IRAK2: variants seen among roughly 807,000 people sequenced by gnomAD.
The protein encoded by IRAK2 is interleukin 1 receptor associated kinase 2.
IRAK2 carries 57 observed loss-of-function variants against 72.0 expected under a neutral mutation model. That is an observed-to-expected ratio of 0.79 (90% confidence interval 0.64 to 0.99). IRAK2 has a LOEUF of 0.99. Among genes scored for constraint, IRAK2 ranks in the 50% least tolerant of loss-of-function variants. The pLI, the probability that IRAK2 is intolerant of heterozygous loss-of-function variation, is 0.00. For synonymous variants in IRAK2, 293 were observed against 312.7 expected, an observed-to-expected ratio of 0.94 and a Z score of 0.67; for missense variants, 790 against 794.4, an observed-to-expected ratio of 0.99 and a Z score of 0.07.
At chr3:10,217,399 A>G in intron 7 of IRAK2, among the ~76,000 whole-genome samples, 1 of 152,382 alleles carries the variant, frequency 6.6e-6, no homozygotes, top group African/African-American at 2.4e-5. Context: ...CAAGAGCAGG[A>G]CAAAGGTATC....
chr3:10,201,300 A>C (rs1697357092), intron 3 of IRAK2, among the ~76,000 whole-genome samples: 1 of 152,242 alleles, frequency 6.6e-6, no homozygotes, highest in African/African-American at 2.4e-5. Flanking sequence ...TGTTTTCACC[A>C]GTGGTCTCCC....
At chr3:10,168,964 G>T (rs1281971878) in intron 1 of IRAK2, among the ~76,000 whole-genome samples, 1 of 152,162 alleles carries the variant, frequency 6.6e-6, no homozygotes, top group Non-Finnish European at 1.5e-5. Flanking sequence ...TTTCAATGTA[G>T]GTTCTTTTCT....
intron 2 of IRAK2, among the ~76,000 whole-genome samples, chr3:10,190,612 C>G (rs1305190094): frequency 1.3e-5 from 2 of 152,046 alleles, no homozygotes; most frequent in Non-Finnish European, 1.5e-5. Context: ...AAGCCAGTCC[C>G]CAGTGTTTCA....
intron 2 of IRAK2, among the ~76,000 whole-genome samples, chr3:10,195,943 G>C (rs780771273): frequency 2.9e-4 from 44 of 152,278 alleles, no homozygotes; most frequent in South Asian, 1.2e-3. Flanking sequence ...CCAGAGAGGG[G>C]AGGCTGGGAA....
At chr3:10,221,100 GT>G (rs1000156346) in intron 8 of IRAK2, among the ~76,000 whole-genome samples, 17 of 146,748 alleles carry the variant, frequency 1.2e-4, no homozygotes, top group Admixed American at 2.7e-4. Context: ...CGCTAAAAAA[GT>G]TTTTTTTTTG....
At chr3:10,166,410 G>T (rs1439917306) in intron 1 of IRAK2, among the ~76,000 whole-genome samples, 1 of 152,196 alleles carries the variant, frequency 6.6e-6, no homozygotes, top group East Asian at 1.9e-4. Context: ...GACTCTGCGG[G>T]GAGGCCGCTT....
rs1217978756 is a variant in IRAK2 at position 10,219,679 on chromosome 3, G to A, written c.904-1G>A. On this transcript the variant is annotated splice_acceptor_variant, in intron 7 of 12. Coordinates refer to ENST00000256458, the MANE Select transcript of IRAK2 (RefSeq NM_001570.4). LOFTEE classifies it high-confidence loss of function. ...TGTCCTCCTGCTTTTCTTTCTCTTA[G>A]GGTGGCTCGGACCCCCTCCCCTGGC... The A allele has an allele frequency of 6.2e-7, 1 of 1,611,720 alleles. No individual in the cohort carries two copies. Among genetic ancestry groups the A allele is most frequent in the Non-Finnish European group, 8.5e-7 (1 of 1,178,120 alleles).
intron 11 of IRAK2, among the ~76,000 whole-genome samples, 176 bp from the exon 12 acceptor site, chr3:10,238,572 G>A (rs1434728492): frequency 2.0e-5 from 3 of 152,146 alleles, no homozygotes; most frequent in African/African-American, 4.8e-5. Context: ...ATGACAGGGC[G>A]GTTGGTGGGC....
At chr3:10,183,645 C>T (rs1482999352) in intron 2 of IRAK2, among the ~76,000 whole-genome samples, 2 of 152,036 alleles carry the variant, frequency 1.3e-5, no homozygotes, top group Admixed American at 6.6e-5. Context: ...GGTGGGAACC[C>T]GGGAGGCGGA....
At chr3:10,213,157 A>G (rs763698187) in intron 4 of IRAK2, 50 bp from the exon 5 acceptor site, 5 of 1,518,758 alleles carry the variant, frequency 3.3e-6, no homozygotes, top group Non-Finnish European at 4.5e-6. Context: ...GAGGTAGCAG[A>G]GAAAACGAGA....
chr3:10,164,947 A>G lies in IRAK2; in HGVS notation c.-8A>G. The G allele has an allele frequency of 6.2e-7, 1 of 1,604,106 alleles. No individual in the cohort carries two copies. Among genetic ancestry groups the G allele is most frequent in the South Asian group, 1.1e-5 (1 of 90,070 alleles). The stretch of plus-strand genomic sequence containing the variant: ...CGTCCCGCGCCGGAGCCGGCCCCGT[A>G]GCGTGCCATGGCCTGCTACATCTAC... On this transcript the variant is annotated 5_prime_UTR_variant, in exon 1 of 13. Coordinates refer to ENST00000256458, the MANE Select transcript of IRAK2 (RefSeq NM_001570.4).
intron 1 of IRAK2, among the ~76,000 whole-genome samples, chr3:10,171,136 C>T (rs1400347020): frequency 6.6e-6 from 1 of 152,196 alleles, no homozygotes; most frequent in East Asian, 1.9e-4. Flanking sequence ...TGGGCTTTGC[C>T]TGAGCCTGTG....
intron 8 of IRAK2, among the ~76,000 whole-genome samples, chr3:10,221,002 A>T (rs941628351): frequency 6.6e-6 from 1 of 152,026 alleles, no homozygotes; most frequent in Non-Finnish European, 1.5e-5. Flanking sequence ...TTAGTGTCTT[A>T]GTCTTCCCGT....
In IRAK2 at chr3:10,222,318, T is replaced by A. The variant is rs545883612; in HGVS notation, c.1014-318T>A. 5.9e-5 allele frequency among the ~76,000 whole-genome samples: 9 copies of A among 152,234 alleles called. No homozygotes were observed. In the East Asian group the frequency reaches 1.4e-3, roughly 23 times the overall value. On this transcript the variant is annotated intron_variant, in intron 8 of 12. Transcript: ENST00000256458. The stretch of plus-strand genomic sequence containing the variant: ...TGGAACAGTTGTGGAAGAGACTGAG[T>A]CTGCACAGCCTGTAGGCGTGGCAAG...
chr3:10,240,558 C>CCCCCCCCCCTTT (rs1274154130), intron 12 of IRAK2, among the ~76,000 whole-genome samples: 1 of 18,066 alleles, frequency 5.5e-5, no homozygotes, highest in Non-Finnish European at 8.2e-5. Context: ...CCCCCCCCGC[C>CCCCCCCCCCTTT]TTTTTTTTTT....
chr3:10,178,866 G>T (rs1696918531), intron 2 of IRAK2, among the ~76,000 whole-genome samples: 2 of 152,114 alleles, frequency 1.3e-5, no homozygotes, highest in South Asian at 4.1e-4. Context: ...GCAATAGTGT[G>T]ATCAAAGCTC....
rs376826690 is a variant in IRAK2, at chr3:10,219,745, C to T, written c.969C>T (p.Val323=). 1.8e-5 allele frequency: 29 copies of T among 1,613,748 alleles called. No homozygotes were observed. In the African/African-American group the frequency reaches 2.8e-4, roughly 16 times the overall value. The change falls in exon 8 of 13, where the codon GTC becomes GTT. Residue 323 remains valine (V), a synonymous_variant. Transcript: ENST00000256458. The part of the protein sequence containing the change: ...VSICSGLLCA[V]EYLHGLEIIH... ...TCTGCTCAGGGCTGCTCTGTGCCGT[C>T]GAGTACCTGCATGGTCTGGAGATCA...
chr3:10,192,776 G>A lies in IRAK2; in HGVS notation c.278-7593G>A, dbSNP rs146021407. Among the ~76,000 whole-genome samples the A allele has an allele frequency of 4.3e-3, 662 of 152,222 alleles. 5 individuals carry two copies. Among genetic ancestry groups the A allele is most frequent in the Non-Finnish European group, 7.2e-3 (488 of 68,018 alleles). ...TCTACTAAAAATACAAAAATTAGCCGGGCGTGATGGTGTCTGCCTGTAATC... is the reference window on the plus strand; with the variant it reads ...TCTACTAAAAATACAAAAATTAGCCAGGCGTGATGGTGTCTGCCTGTAATC... On this transcript the variant is annotated intron_variant, in intron 2 of 12. Transcript: ENST00000256458.
chr3:10,174,903 G>A (rs1273863965), intron 1 of IRAK2, among the ~76,000 whole-genome samples: 2 of 150,024 alleles, frequency 1.3e-5, no homozygotes, highest in Non-Finnish European at 3.0e-5. Context: ...ATCCATTTAT[G>A]GGCCAGGCAC....
Sources: gnomAD v4.1 joint callset for allele counts (sites outside exome capture counted in the v4.1 genomes callset) on GRCh38, gnomAD v4.1.1 for gene constraint, MANE v1.5 for transcripts, NCBI Gene and HGNC (gene_info 2026-07-23, HGNC 2026-07-21) for gene names.